Variants in MYO9B observed in about 807,000 individuals in gnomAD.
MYO9B encodes the protein unconventional myosin-IXb.
In MYO9B, 71 loss-of-function variants were observed where a neutral mutation model predicts 229.5. The observed-to-expected ratio is 0.31, with a 90% CI of 0.26 to 0.38. MYO9B has a LOEUF of 0.38. MYO9B is among the 10% of genes least tolerant of loss of function. The probability of loss-of-function intolerance (pLI) is 1.00; values close to 1 mark genes in which losing one functional copy is unlikely to be tolerated. For synonymous variants in MYO9B, 1,185 were observed against 1,235.8 expected (o/e 0.96, Z 0.86); for missense variants, 2,255 against 2,920.5 (o/e 0.77, Z 5.25).
intron 1 of MYO9B, among the ~76,000 whole-genome samples, chr19:17,093,896 C>T (rs1355369265): frequency 8.7e-6 from 1 of 114,818 alleles, no homozygotes; most frequent in Non-Finnish European, 2.0e-5. Context: ...TATTTATTTA[C>T]TTTGTAGAGT....
chr19:17,101,691 G>T lies in MYO9B; in HGVS notation c.-27G>T. On this transcript the variant is annotated 5_prime_UTR_variant, in exon 2 of 40. Transcript: ENST00000682292. This position sits in a 1 kb window ranked among gnomAD's most constrained non-coding sequence, Gnocchi z 4.7. ...GACACGCGCGCCCCGAGCCTGGGAG[G>T]CATGCTGAAGCCAGGCGGCCGGCAG... 6.5e-7 allele frequency: 1 copy of T among 1,536,354 alleles called. No homozygotes were observed. The highest frequency in any genetic ancestry group is 1.2e-5 in the South Asian group (1 of 84,640).
intron 6 of MYO9B, among the ~76,000 whole-genome samples, chr19:17,154,617 A>G (rs1003193097): frequency 6.6e-6 from 1 of 152,186 alleles, no homozygotes; most frequent in African/African-American, 2.4e-5. Flanking sequence ...GGCGATGCCA[A>G]TTAAAGGTAA....
At chr19:17,107,201 T>G (rs541360379) in intron 2 of MYO9B, among the ~76,000 whole-genome samples, 1 of 152,060 alleles carries the variant, frequency 6.6e-6, no homozygotes, top group Non-Finnish European at 1.5e-5. Context: ...CACACTGCAC[T>G]CCAGCCTGGG....
intron 2 of MYO9B, among the ~76,000 whole-genome samples, chr19:17,106,183 A>T (rs2145051940): frequency 1.3e-5 from 2 of 152,168 alleles, no homozygotes; most frequent in Middle Eastern, 3.4e-3. Context: ...TTCTGTAGAG[A>T]CACAGTCTTA....
rs753648699 is a variant in MYO9B at position 17,192,928 on chromosome 19, G to A, written c.2994G>A (p.Ala998=). The A allele has an allele frequency of 1.3e-4, 196 of 1,548,668 alleles. 1 individual carries two copies. The highest frequency in any genetic ancestry group is 9.0e-4 in the South Asian group (76 of 84,000). Residue 998 remains alanine (A), a synonymous_variant, in exon 21 of 40, where the codon GCG becomes GCA. Coordinates refer to ENST00000682292, the MANE Select transcript of MYO9B (RefSeq NM_004145.4). The stretch of plus-strand genomic sequence containing the variant: ...GGCGGTCCTACCGGGTCCGGAGGGC[G>A]CTGGAGAGGACGCAGGCTGCCGTGT... ...ACWRSYRVRR[A]LERTQAAVYL... is the part of the protein sequence containing the mutation.
chr19:17,210,411 A>G (rs1332746564), intron 37 of MYO9B, 31 bp downstream of exon 37: 3 of 1,563,112 alleles, frequency 1.9e-6, no homozygotes, highest in South Asian at 1.2e-5. Context: ...CCCGCGGTGC[A>G]TGTCTCCCGG....
intron 5 of MYO9B, 54 bp downstream of exon 5, chr19:17,154,120 C>CTGTT (rs2072511494): frequency 1.1e-5 from 17 of 1,536,984 alleles, no homozygotes; most frequent in Non-Finnish European, 1.5e-5. Context: ...CGGCCTCAAG[C>CTGTT]TGTTTATGTA....
At chr19:17,185,650 C>T (rs1204879930) in intron 17 of MYO9B, among the ~76,000 whole-genome samples, 1 of 152,188 alleles carries the variant, frequency 6.6e-6, no homozygotes, top group Non-Finnish European at 1.5e-5. Flanking sequence ...CTGGTCCTCC[C>T]CAGCCCCAGC....
In MYO9B at chr19:17,198,271, GAC is replaced by G; in HGVS notation, c.4202_4203del (p.Asp1401GlyfsTer12). On this transcript the variant is annotated frameshift_variant, in exon 24 of 40. Coordinates refer to ENST00000682292, the MANE Select transcript of MYO9B (RefSeq NM_004145.4). LOFTEE classifies it high-confidence loss of function. Reference protein sequence around the residue: ...KKPGDASSLPDAGLSPGSQVD... With the variant: ...KKPGDASSLPXAGLSPGSQVD... Reference sequence around the variant, plus strand: ...GCCAGGCGACGCATCCTCCCTCCCAGACGCAGGGCTGTCCCCGGGCTCTCAGG... The same window carrying G: ...GCCAGGCGACGCATCCTCCCTCCCAGGCAGGGCTGTCCCCGGGCTCTCAGG... 6.2e-7 allele frequency: 1 copy of G among 1,613,934 alleles called. No individual in the cohort carries two copies. The highest frequency in any genetic ancestry group is 8.5e-7 in the Non-Finnish European group (1 of 1,179,894).
chr19:17,102,724 G>GAA, intron 2 of MYO9B, among the ~76,000 whole-genome samples, 167 bp downstream of exon 2: 1 of 149,912 alleles, frequency 6.7e-6, no homozygotes, highest in Non-Finnish European at 1.5e-5. Context: ...AACATAGCAA[G>GAA]ATCTTTTCTC....
chr19:17,141,942 C>T (rs758189947), intron 2 of MYO9B, among the ~76,000 whole-genome samples: 1 of 152,056 alleles, frequency 6.6e-6, no homozygotes, highest in Non-Finnish European at 1.5e-5. Context: ...TTTCGGAGGC[C>T]GAGTTGGAAG....
At chr19:17,191,360 G>A (rs1033360915) in intron 20 of MYO9B, 141 bp downstream of exon 20, 29 of 1,169,392 alleles carry the variant, frequency 2.5e-5, no homozygotes, top group African/African-American at 1.7e-4. Context: ...ACCCAGCAGA[G>A]CACTGCACCT....
In MYO9B at chr19:17,101,978, G is replaced by A. The variant is rs771182624; in HGVS notation, c.261G>A (p.Arg87=). The change falls in exon 2 of 40, where the codon CGG becomes CGA. Residue 87 remains arginine (R), a synonymous_variant. Coordinates refer to ENST00000682292, the MANE Select transcript of MYO9B (RefSeq NM_004145.4). The surrounding 1 kb of genome is among the most constrained non-coding windows in gnomAD (Gnocchi z 4.7). ...ACGCCAACGACTCGCCTGTGCACCG[G>A]GTGCTGCTATGGCCCCGGCGGGCAC... is the stretch of plus-strand genomic sequence containing the variant. ...VLDANDSPVH[R]VLLWPRRAQD... 1.2e-6 allele frequency: 2 copies of A among 1,613,288 alleles called. No homozygotes were observed. The highest frequency in any genetic ancestry group is 1.7e-6 in the Non-Finnish European group (2 of 1,179,868).
rs869297825 is a variant in MYO9B at position 17,134,381 on chromosome 19, G to GTTTTTTTT, written c.841-10995_841-10988dup. ...CTTTGTTTTTTTTTTCGTTTTGTTT[G>GTTTTTTTT]TTTTTTTTTTTTTTTTTTTTTTTTT... On this transcript the variant is annotated intron_variant, in intron 2 of 39. Transcript: ENST00000682292. Among the ~76,000 whole-genome samples the GTTTTTTTT allele has an allele frequency of 2.9e-3, 135 of 46,486 alleles. 3 individuals carry two copies. Among genetic ancestry groups the GTTTTTTTT allele is most frequent in the African/African-American group, 4.2e-3 (47 of 11,196 alleles). 30.5% of individuals were successfully genotyped at this position (46,486 alleles called of 152,430 possible). A position where few individuals can be genotyped will look rare whatever the true frequency, so the allele number is the denominator to read the frequency against.
chr19:17,173,320 A>G (rs1178640251), intron 13 of MYO9B, among the ~76,000 whole-genome samples: 2 of 127,314 alleles, frequency 1.6e-5, no homozygotes, highest in African/African-American at 3.0e-5. Context: ...TTTTAGAGAC[A>G]GGGTCTCTCT....
At chr19:17,198,357 G>T in intron 24 of MYO9B, 49 bp downstream of exon 24, 1 of 1,607,316 alleles carries the variant, frequency 6.2e-7, no homozygotes, top group Non-Finnish European at 8.5e-7. Context: ...GATGCCCGGG[G>T]TCCCTGCCAG....
At chr19:17,199,540 C>G (rs1303046468) in intron 24 of MYO9B, among the ~76,000 whole-genome samples, 1 of 151,568 alleles carries the variant, frequency 6.6e-6, no homozygotes, top group African/African-American at 2.4e-5. Flanking sequence ...GAATCTTGCT[C>G]TGTTGCCCAG....
At chr19:17,096,915 G>C (rs1375623992) in intron 1 of MYO9B, among the ~76,000 whole-genome samples, 2 of 86,936 alleles carry the variant, frequency 2.3e-5, no homozygotes, top group African/African-American at 4.9e-5. Flanking sequence ...CCATGGTCTC[G>C]ATCTGACCTC....
At chr19:17,152,387 C>T (rs1408089760) in intron 3 of MYO9B, among the ~76,000 whole-genome samples, 1 of 151,972 alleles carries the variant, frequency 6.6e-6, no homozygotes, top group Non-Finnish European at 1.5e-5. Flanking sequence ...CAAAACCCCG[C>T]CTCTACTAAA....
Sources: gnomAD v4.1 joint callset for allele counts (sites outside exome capture counted in the v4.1 genomes callset) on GRCh38, gnomAD v4.1.1 for gene constraint, Gnocchi (gnomAD v3.1) non-coding constraint, MANE v1.5 for transcripts, NCBI Gene and HGNC (gene_info 2026-07-23, HGNC 2026-07-21) for gene names.